Variants in BCOR observed in about 807,000 individuals in gnomAD.
BCOR encodes the protein BCL-6 corepressor.
In BCOR, 10 loss-of-function variants were observed where a neutral mutation model predicts 86.7. That is an observed-to-expected ratio of 0.12 (90% CI 0.07 to 0.20). BCOR has a LOEUF of 0.20. Ranked by LOEUF, BCOR falls within the 10% of genes least tolerant of loss-of-function variation. BCOR has a pLI of 1.00. For missense variants in BCOR, 1,259 were observed against 1,452.1 expected (o/e 0.87, Z 2.16); for synonymous variants, 611 against 609.0 (o/e 1.00, Z -0.05).
At chrX:40,061,055 C>G (rs759270472) in intron 10 of BCOR, among the ~76,000 whole-genome samples, 7 of 112,459 alleles carry the variant, frequency 6.2e-5, no homozygotes, top group Non-Finnish European at 9.4e-5. Context: ...GGCTGAATTC[C>G]GGGAGCCCAC....
rs762351293 is a variant in BCOR at position 40,071,064 on chromosome X, G to A, written c.3147C>T (p.Ala1049=). 4.1e-6 allele frequency: 5 copies of A among 1,211,011 alleles called. No homozygotes were observed. Among genetic ancestry groups the A allele is most frequent in the South Asian group, 1.8e-5 (1 of 56,922 alleles). Residue 1049 remains alanine (A), a synonymous_variant, in exon 6 of 15, where the codon GCC becomes GCT. Coordinates refer to ENST00000378444, the MANE Select transcript of BCOR (RefSeq NM_001123385.2). ...KDSEMCKFSP[A]DWERLKGNQD... The stretch of plus-strand genomic sequence containing the variant: ...GATTTCCTTTCAACCTTTCCCAGTC[G>A]GCTGGGCTGAATTTGCACATCTCGG...
chrX:40,128,523 G>A (rs1325383877), intron 1 of BCOR, among the ~76,000 whole-genome samples: 1 of 111,908 alleles, frequency 8.9e-6, no homozygotes. Flanking sequence ...TCTAGCCTGG[G>A]CAACAGAGTG....
chrX:40,082,381 TC>T (rs1490990077), intron 1 of BCOR, among the ~76,000 whole-genome samples: 1 of 111,526 alleles, frequency 9.0e-6, no homozygotes, highest in Non-Finnish European at 1.9e-5. Context: ...TGCTCACGCC[TC>T]CCTGCTGTCC....
intron 1 of BCOR, among the ~76,000 whole-genome samples, chrX:40,139,578 A>C (rs1329993051): frequency 1.1e-5 from 1 of 89,307 alleles, no homozygotes; most frequent in East Asian, 3.9e-4. Flanking sequence ...TTGGGAGGCC[A>C]AGGTGGGTGG....
chrX:40,095,569 G>A (rs1286290715), intron 1 of BCOR, among the ~76,000 whole-genome samples: 1 of 111,291 alleles, frequency 9.0e-6, no homozygotes, highest in Non-Finnish European at 1.9e-5. Flanking sequence ...CCCTCCTCTA[G>A]CGTCTTCTCA....
At chrX:40,119,092 C>T (rs755462603) in intron 1 of BCOR, among the ~76,000 whole-genome samples, 64 of 112,097 alleles carry the variant, frequency 5.7e-4, no homozygotes, top group Non-Finnish European at 9.6e-4. Context: ...CTTGGCCTCC[C>T]GAAGTGCTGG....
chrX:40,069,120 C>T (rs948108671), intron 6 of BCOR, among the ~76,000 whole-genome samples: 8 of 112,721 alleles, frequency 7.1e-5, no homozygotes, highest in African/African-American at 9.7e-5. Flanking sequence ...ACGGATCCAG[C>T]GCATGCTGTA....
intron 6 of BCOR, 71 bp downstream of exon 6, chrX:40,070,902 C>T: frequency 9.6e-7 from 1 of 1,044,709 alleles, no homozygotes; most frequent in Non-Finnish European, 1.3e-6. Context: ...ATGGCAAAAG[C>T]AGCCCATTTC....
Position 40,158,646 on chromosome X carries a change from G to A in BCOR, c.-41+18361C>T, listed in dbSNP as rs186786302. On this transcript the variant is annotated intron_variant, in intron 1 of 14. Coordinates refer to the BCOR transcript ENST00000342274. Reference sequence around the variant, plus strand: ...CTTCTCCCGCGCACCCCAGAACTCTGTCCCCAGAGGCAACCTGCCGAGGCA... The same window carrying A: ...CTTCTCCCGCGCACCCCAGAACTCTATCCCCAGAGGCAACCTGCCGAGGCA... 5.7e-3 allele frequency among the ~76,000 whole-genome samples: 638 copies of A among 112,827 alleles called. 6 individuals are homozygous for A. Among genetic ancestry groups the A allele is most frequent in the African/African-American group, 0.019 (603 of 31,127 alleles).
At chrX:40,084,702 C>A in intron 1 of BCOR, among the ~76,000 whole-genome samples, 1 of 91,004 alleles carries the variant, frequency 1.1e-5, no homozygotes, top group Admixed American at 1.1e-4. Flanking sequence ...CCGTCGCCGC[C>A]ACCCCCCCCC....
intron 1 of BCOR, among the ~76,000 whole-genome samples, chrX:40,135,393 C>CTT (rs367942561): frequency 9.8e-6 from 1 of 101,899 alleles, no homozygotes; most frequent in African/African-American, 3.5e-5. Flanking sequence ...TCCTTCTTTT[C>CTT]TTTTTTTTTT....
intron 1 of BCOR, among the ~76,000 whole-genome samples, chrX:40,115,762 G>C (rs1391440599): frequency 9.5e-6 from 1 of 105,505 alleles, no homozygotes; most frequent in Non-Finnish European, 2.0e-5. Context: ...GGGTGACAGA[G>C]TGTGACTGTG....
At chrX:40,153,189 G>A (rs1938207238) in intron 1 of BCOR, among the ~76,000 whole-genome samples, 1 of 112,841 alleles carries the variant, frequency 8.9e-6, no homozygotes, top group Non-Finnish European at 1.9e-5. Context: ...AAGTAAACTC[G>A]CACTAGAGCT....
intron 10 of BCOR, among the ~76,000 whole-genome samples, chrX:40,061,509 C>T (rs1481887706): frequency 1.8e-5 from 2 of 111,496 alleles, no homozygotes; most frequent in Middle Eastern, 4.6e-3. Flanking sequence ...GCTCCGTCAA[C>T]GTAAGCTATC....
rs373761960 is a variant in BCOR at position 40,065,915 on chromosome X, G to A, written c.3239-1316C>T. Among the ~76,000 whole-genome samples the A allele has an allele frequency of 7.5e-4, 83 of 110,979 alleles. 1 individual carries two copies. The highest frequency in any genetic ancestry group is 2.5e-3 in the African/African-American group (76 of 30,494). On this transcript the variant is annotated intron_variant, in intron 6 of 14. Coordinates refer to ENST00000378444, the MANE Select transcript of BCOR (RefSeq NM_001123385.2). ...CCAGCACCGCTCACCCGCTTCTCTC[G>A]GGGGCATTGCCAGCGGTTCACGGCA...
intron 1 of BCOR, among the ~76,000 whole-genome samples, chrX:40,080,965 ACGCACACGCGCACACACACACG>A (rs1035177474): frequency 2.3e-4 from 14 of 60,016 alleles, no homozygotes; most frequent in African/African-American, 8.5e-4. Context: ...ACGTGCACGC[ACGCACACGCGCACACACACACG>A]CGCACACACA....
At chrX:40,156,581 AC>A (rs1410221991) in intron 1 of BCOR, among the ~76,000 whole-genome samples, 3 of 111,735 alleles carry the variant, frequency 2.7e-5, no homozygotes, top group African/African-American at 9.7e-5. Flanking sequence ...CGCACCGCCT[AC>A]CCCCCAGGCC....
At chrX:40,140,423 C>T (rs942823286) in intron 1 of BCOR, among the ~76,000 whole-genome samples, 3 of 111,462 alleles carry the variant, frequency 2.7e-5, no homozygotes, top group African/African-American at 9.8e-5. Flanking sequence ...GTGATCACCT[C>T]ACTGCACTAC....
upstream of BCOR, among the ~76,000 whole-genome samples, chrX:40,099,289 A>C (rs1602218130): frequency 8.9e-6 from 1 of 112,219 alleles, no homozygotes; most frequent in African/African-American, 3.2e-5. Context: ...GCAAAGCCTC[A>C]AGGGCGAGCC....
Sources: allele counts gnomAD v4.1 joint callset (sites outside exome capture counted in the v4.1 genomes callset), GRCh38; gene constraint gnomAD v4.1.1; transcripts MANE v1.5; gene names NCBI Gene and HGNC (gene_info 2026-07-23, HGNC 2026-07-21).